Variants in TNRC6B observed in about 807,000 individuals in gnomAD.
The protein encoded by TNRC6B is trinucleotide repeat-containing gene 6B protein.
In TNRC6B, 52 loss-of-function variants were observed where a neutral mutation model predicts 203.6. The observed-to-expected ratio is 0.26, with a 90% CI of 0.20 to 0.32. The LOEUF (loss-of-function observed/expected upper bound fraction) is 0.32, where lower values mean the gene tolerates loss of function less well. TNRC6B is among the 10% of genes least tolerant of loss of function. The probability of loss-of-function intolerance (pLI) is 1.00; values close to 1 mark genes in which losing one functional copy is unlikely to be tolerated. For synonymous variants in TNRC6B, 838 were observed against 845.7 expected (o/e 0.99, Z 0.16); for missense variants, 1,923 against 2,286.2 (o/e 0.84, Z 3.24).
At chr22:40,206,310 C>T (rs2069477256) in intron 1 of TNRC6B, among the ~76,000 whole-genome samples, 1 of 151,856 alleles carries the variant, frequency 6.6e-6, no homozygotes, top group Admixed American at 6.6e-5. Flanking sequence ...TTAAACGATT[C>T]CCTGCTTAAG....
chr22:40,071,714 TA>T (rs1193419962), intron 1 of TNRC6B, among the ~76,000 whole-genome samples: 1 of 152,232 alleles, frequency 6.6e-6, no homozygotes, highest in Admixed American at 6.5e-5. Flanking sequence ...GAATTCTGAT[TA>T]GGCATTATAA....
At chr22:40,134,339 C>T (rs1367412761) in intron 3 of TNRC6B, among the ~76,000 whole-genome samples, 1 of 152,144 alleles carries the variant, frequency 6.6e-6, no homozygotes, top group Non-Finnish European at 1.5e-5. Context: ...CCAGTCTAAT[C>T]ATGAGAAAAA....
intron 3 of TNRC6B, among the ~76,000 whole-genome samples, chr22:40,141,204 CTTTTTTTTTTTTTT>C: frequency 1.3e-5 from 1 of 75,700 alleles, no homozygotes; most frequent in South Asian, 5.1e-4. Context: ...AAATTCTGTC[CTTTTTTTTTTTTTT>C]TTTTTTTTTG....
rs775151856 is a variant in TNRC6B, at chr22:40,301,220, C to T, written c.4007C>T (p.Ser1336Leu). ...CAGAGGCAGCCAGGCATGAAGCACT[C>T]GCCCTCTCATCCTGTTGGGCCCAAG... Reference protein sequence around the residue: ...QQQRQPGMKHSPSHPVGPKPH... With the variant: ...QQQRQPGMKHLPSHPVGPKPH... The change falls in exon 15 of 23, where the codon TCG (serine) becomes TTG (leucine). Residue 1336 changes from serine (S) to leucine (L), a missense_variant. By Grantham distance (145) the Ser-to-Leu change is moderately radical (BLOSUM62 -2). This residue lies in a region of TNRC6B where 242 missense variants were observed against 399.5 expected (regional missense o/e 0.61). Coordinates refer to ENST00000454349, the MANE Select transcript of TNRC6B (RefSeq NM_001162501.2). 1.3e-6 allele frequency: 2 copies of T among 1,556,672 alleles called. No homozygotes were observed. Among genetic ancestry groups the T allele is most frequent in the South Asian group, 1.2e-5 (1 of 84,538 alleles).
intron 4 of TNRC6B, among the ~76,000 whole-genome samples, chr22:40,170,787 ATGTG>A (rs1366422702): frequency 3.1e-5 from 2 of 64,914 alleles, no homozygotes; most frequent in African/African-American, 2.0e-4. Flanking sequence ...ATGTACATAT[ATGTG>A]TGTATATATA....
At chr22:40,226,491 G>C (rs1332450142) in intron 1 of TNRC6B, among the ~76,000 whole-genome samples, 1 of 152,206 alleles carries the variant, frequency 6.6e-6, no homozygotes, top group Non-Finnish European at 1.5e-5. Flanking sequence ...GATCTCAGGA[G>C]CAGAGTCCAC....
rs6001768 is a variant in TNRC6B at position 40,106,596 on chromosome 22, G to A, written c.-120-10459G>A. 2,895 of 726,088 alleles carry A rather than the reference G, an allele frequency of 4.0e-3. 49 individuals are homozygous for A. The African/African-American group carries it at 0.043, about 11-fold the overall frequency. 45.0% of individuals were successfully genotyped at this position (726,088 alleles called of 1,614,324 possible). On this transcript the variant is annotated intron_variant, in intron 1 of 23. Coordinates refer to the TNRC6B transcript ENST00000301923. ...TTCTTACTGAATTCTCCATAACCAC[G>A]CTTGTAGATAAGTTCATTTAGTGAC...
chr22:40,048,540 CAA>C (rs575286994), intron 1 of TNRC6B, among the ~76,000 whole-genome samples: 19 of 85,282 alleles, frequency 2.2e-4, no homozygotes, highest in Admixed American at 4.1e-4. Flanking sequence ...GGCTCCGTCT[CAA>C]AAAAAAAAAA....
At chr22:40,187,037 A>G (rs1014823409) in intron 1 of TNRC6B, among the ~76,000 whole-genome samples, 1 of 152,196 alleles carries the variant, frequency 6.6e-6, no homozygotes. Flanking sequence ...TCCAAACATA[A>G]AAAAGTTTTC....
At chr22:40,143,799 A>G (rs954469038) in intron 3 of TNRC6B, among the ~76,000 whole-genome samples, 4 of 152,086 alleles carry the variant, frequency 2.6e-5, no homozygotes, top group Non-Finnish European at 5.9e-5. Flanking sequence ...CCCGGCCTGG[A>G]ATACATCTTT....
intron 1 of TNRC6B, among the ~76,000 whole-genome samples, chr22:40,065,564 A>C (rs1473073449): frequency 1.3e-5 from 2 of 152,068 alleles, no homozygotes; most frequent in East Asian, 1.9e-4. Context: ...TGTCTATTTC[A>C]TCTAGGTTTT....
chr22:40,277,890 A>G lies in TNRC6B; in HGVS notation c.3217-109A>G, dbSNP rs182976906. 1.8e-4 allele frequency: 139 copies of G among 780,710 alleles called. 1 individual carries two copies. Among genetic ancestry groups the G allele is most frequent in the Middle Eastern group, 1.4e-3 (6 of 4,428 alleles). 48.4% of individuals were successfully genotyped at this position (780,710 alleles called of 1,614,324 possible). A position where few individuals can be genotyped will look rare whatever the true frequency, so the allele number is the denominator to read the frequency against. ...AGTACCATCAAGTTCATTTCAGAGA[A>G]CCTTCTATGGTGCCAGTAGTAAGAC... On this transcript the variant is annotated intron_variant, in intron 8 of 22. Transcript: ENST00000454349.
At chr22:40,280,852 A>G (rs755091765) in intron 10 of TNRC6B, among the ~76,000 whole-genome samples, 10 of 152,238 alleles carry the variant, frequency 6.6e-5, no homozygotes, top group Non-Finnish European at 1.2e-4. Flanking sequence ...GCGTAAAAAT[A>G]AAGTGTCTGG....
At chr22:40,156,762 T>G (rs916529482) in intron 4 of TNRC6B, among the ~76,000 whole-genome samples, 1 of 150,778 alleles carries the variant, frequency 6.6e-6, no homozygotes, top group African/African-American at 2.4e-5. Context: ...TTGGTTTTTT[T>G]TTTTTTTTTT....
chr22:40,327,302 G>A lies in TNRC6B; in HGVS notation c.*4061G>A, dbSNP rs2071416397. On this transcript the variant is annotated 3_prime_UTR_variant, in exon 23 of 23. Coordinates refer to ENST00000454349, the MANE Select transcript of TNRC6B (RefSeq NM_001162501.2). ...CCATAAAGGAAATTGGAGTGGTTCT[G>A]GACAGGCCCCAAAGGCAGTGGGCTG... 1 of 152,656 alleles carries A rather than the reference G, an allele frequency of 6.6e-6. No homozygotes were observed. Among genetic ancestry groups the A allele is most frequent in the Non-Finnish European group, 1.5e-5 (1 of 68,088 alleles). 9.5% of individuals were successfully genotyped at this position (152,656 alleles called of 1,614,324 possible). A position where few individuals can be genotyped will look rare whatever the true frequency, so the allele number is the denominator to read the frequency against.
In TNRC6B at chr22:40,088,363, C is replaced by T. The variant is rs142049248; in HGVS notation, c.-120-28692C>T. On this transcript the variant is annotated intron_variant, in intron 1 of 23. Coordinates refer to the TNRC6B transcript ENST00000301923. ...CCACTTACTATGAATGCAAGAGCTT[C>T]TACATATTTTGATCTCAGTATCTGC... Among the ~76,000 whole-genome samples, 8 of 152,232 alleles carry T rather than the reference C, an allele frequency of 5.3e-5. No individual in the cohort carries two copies. The East Asian group carries it at 1.5e-3, about 29-fold the overall frequency.
intron 3 of TNRC6B, among the ~76,000 whole-genome samples, chr22:40,154,838 C>T (rs1569000607): frequency 3.7e-5 from 1 of 27,048 alleles, no homozygotes; most frequent in African/African-American, 1.9e-4. Context: ...AAGACTCTAT[C>T]TCAAAAAAAA....
chr22:40,306,070 C>T (rs995645186), intron 15 of TNRC6B, among the ~76,000 whole-genome samples: 25 of 151,996 alleles, frequency 1.6e-4, no homozygotes, highest in Admixed American at 9.8e-4. Flanking sequence ...AGGCGGGCGG[C>T]TCACAAGGTC....
intron 15 of TNRC6B, 46 bp from the exon 16 acceptor site, chr22:40,308,466 G>A (rs1379697323): frequency 6.2e-7 from 1 of 1,611,918 alleles, no homozygotes; most frequent in Admixed American, 1.7e-5. Context: ...CAGAACTCTT[G>A]ATACTGATGC....
Sources: gnomAD v4.1 joint callset for allele counts (sites outside exome capture counted in the v4.1 genomes callset) on GRCh38, gnomAD v4.1.1 for gene constraint, gnomAD v4.1.1 regional missense constraint, MANE v1.5 for transcripts, NCBI Gene and HGNC (gene_info 2026-07-23, HGNC 2026-07-21) for gene names.